DPYS: variants seen among roughly 807,000 people sequenced by gnomAD.
DPYS encodes the protein dihydropyrimidine amidohydrolase.
In DPYS, 39 loss-of-function variants were observed where a neutral mutation model predicts 50.3. That is an observed-to-expected ratio of 0.78 (90% CI 0.60 to 1.01). The LOEUF is 1.01. Ranked by LOEUF, DPYS falls within the 50% of genes least tolerant of loss-of-function variation. The pLI, the probability that DPYS is intolerant of heterozygous loss-of-function variation, is 0.00. For missense variants in DPYS, 659 were observed against 680.9 expected (o/e 0.97, Z 0.36); for synonymous variants, 245 against 250.7 (o/e 0.98, Z 0.22).
At chr8:104,382,227 C>T (rs1217662711) in intron 8 of DPYS, among the ~76,000 whole-genome samples, 1 of 152,192 alleles carries the variant, frequency 6.6e-6, no homozygotes, top group Non-Finnish European at 1.5e-5. Context: ...ACAGCTCCTG[C>T]AGCCACAGAA....
intron 1 of DPYS, 91 bp downstream of exon 1, chr8:104,466,566 G>A (rs937773336): frequency 3.0e-6 from 4 of 1,340,678 alleles, no homozygotes; most frequent in Admixed American, 3.7e-5. Context: ...CGCGCCGCGC[G>A]AGGCGGCCCT....
intron 4 of DPYS, among the ~76,000 whole-genome samples, chr8:104,433,531 G>A (rs1446037016): frequency 6.6e-6 from 1 of 152,078 alleles, no homozygotes; most frequent in Non-Finnish European, 1.5e-5. Context: ...CTACTTGGGA[G>A]GCTGAGGCAT....
intron 1 of DPYS, 119 bp downstream of exon 1, chr8:104,466,538 C>T: frequency 8.4e-7 from 1 of 1,189,948 alleles, no homozygotes; most frequent in South Asian, 1.9e-5. Context: ...CCTTCCCGCC[C>T]ACCCAGCTCC....
chr8:104,420,664 C>G (rs1212810116), intron 7 of DPYS: 3 of 115,164 alleles, frequency 2.6e-5, no homozygotes, highest in Non-Finnish European at 5.3e-5. Flanking sequence ...GAGGCTCAAT[C>G]AATTCAATAT....
chr8:104,450,137 G>A (rs1347695349), intron 2 of DPYS, among the ~76,000 whole-genome samples: 1 of 88,878 alleles, frequency 1.1e-5, no homozygotes, highest in Non-Finnish European at 2.1e-5. Flanking sequence ...GGGAAGAGAA[G>A]AAAAGAAAGA....
At chr8:104,428,798 C>A (rs770865571) in intron 5 of DPYS, among the ~76,000 whole-genome samples, 1 of 150,964 alleles carries the variant, frequency 6.6e-6, no homozygotes, top group Non-Finnish European at 1.5e-5. Context: ...TGGGGAGTGT[C>A]GGGATGTCCA....
At chr8:104,399,308 A>ACC (rs1287376703) in intron 7 of DPYS, among the ~76,000 whole-genome samples, 1 of 39,046 alleles carries the variant, frequency 2.6e-5, no homozygotes, top group African/African-American at 5.9e-5. Context: ...AAAAAAAAAA[A>ACC]AACAACAACA....
intron 9 of DPYS, 44 bp downstream of exon 9, chr8:104,381,140 T>C (rs1811016521): frequency 6.7e-7 from 1 of 1,494,674 alleles, no homozygotes; most frequent in African/African-American, 1.4e-5. Flanking sequence ...GCTAATTTCA[T>C]ATGCTGTCAT....
chr8:104,466,517 G>A (rs1814400929), intron 1 of DPYS, 140 bp downstream of exon 1: 9 of 994,752 alleles, frequency 9.0e-6, no homozygotes, highest in Admixed American at 8.1e-5. Flanking sequence ...GACACCCGCC[G>A]GGGCTGCGCT....
intron 6 of DPYS, among the ~76,000 whole-genome samples, chr8:104,426,016 T>C (rs1381961376): frequency 2.0e-5 from 3 of 152,136 alleles, no homozygotes; most frequent in Non-Finnish European, 1.5e-5. Flanking sequence ...AAATCTGCTA[T>C]AATAAAGATA....
intron 7 of DPYS, chr8:104,421,323 A>C (rs1812532946): frequency 1.3e-5 from 2 of 152,334 alleles, no homozygotes. Flanking sequence ...CATAAAGTGA[A>C]GGATGGAAAT....
At chr8:104,429,394 T>C in intron 5 of DPYS, 151 bp downstream of exon 5, 1 of 835,768 alleles carries the variant, frequency 1.2e-6, no homozygotes, top group East Asian at 2.6e-5. Context: ...CAATGTTTTT[T>C]GCTCTGCAGG....
At chr8:104,381,131 C>T (rs1811016157) in intron 9 of DPYS, 53 bp downstream of exon 9, 10 of 1,448,232 alleles carry the variant, frequency 6.9e-6, no homozygotes, top group Non-Finnish European at 9.7e-6. Context: ...AGGAGAGATG[C>T]TAATTTCATA....
At position 104,414,945 on chromosome 8, in the gene DPYS, GCA is replaced by G. The variant is rs1812316814; in HGVS notation, c.1235+9300_1235+9301del. ...TGTCTCTGGAATGCATCTTTGTCAA[GCA>G]CTGCTTTGGGGAAGAAGACAGAAGT... On this transcript the variant is annotated intron_variant, in intron 7 of 9. Coordinates refer to ENST00000351513, the MANE Select transcript of DPYS (RefSeq NM_001385.3). Among the ~76,000 whole-genome samples, 4 of 152,348 alleles carry G rather than the reference GCA, an allele frequency of 2.6e-5. No individual in the cohort carries two copies. In the South Asian group the frequency reaches 6.2e-4, roughly 24 times the overall value.
chr8:104,395,540 G>T (rs1207662674), intron 7 of DPYS, among the ~76,000 whole-genome samples: 1 of 152,134 alleles, frequency 6.6e-6, no homozygotes, highest in Non-Finnish European at 1.5e-5. Flanking sequence ...TTTCAAGACT[G>T]TCATATAAGT....
chr8:104,452,244 G>A (rs146497056), intron 1 of DPYS, among the ~76,000 whole-genome samples: 87 of 152,264 alleles, frequency 5.7e-4, no homozygotes, highest in African/African-American at 2.0e-3. Context: ...ACATGCCTTT[G>A]ACTAATTATT....
At chr8:104,444,203 T>C in intron 4 of DPYS, 45 bp downstream of exon 4, 9 of 1,607,964 alleles carry the variant, frequency 5.6e-6, no homozygotes, top group Non-Finnish European at 7.7e-6. Flanking sequence ...GACTTTTCTC[T>C]TCAGCTAACA....
At chr8:104,444,553 T>G (rs931428654) in intron 3 of DPYS, 116 bp from the exon 4 acceptor site, 3 of 1,041,346 alleles carry the variant, frequency 2.9e-6, no homozygotes, top group African/African-American at 3.2e-5. Flanking sequence ...GGTATAGGGG[T>G]GTGTGTGTGT....
intron 8 of DPYS, among the ~76,000 whole-genome samples, chr8:104,389,381 G>C (rs981130252): frequency 1.3e-5 from 2 of 152,114 alleles, no homozygotes; most frequent in Admixed American, 6.5e-5. Flanking sequence ...TTTTTATCCT[G>C]TAAGTTGTCT....
Sources: gnomAD v4.1 joint callset for allele counts (sites outside exome capture counted in the v4.1 genomes callset) on GRCh38, gnomAD v4.1.1 for gene constraint, MANE v1.5 for transcripts, NCBI Gene and HGNC (gene_info 2026-07-23, HGNC 2026-07-21) for gene names.